The following TF variants were observed in gnomAD, a reference collection of about 807,000 sequenced individuals.
TF encodes the protein serotransferrin.
A neutral mutation model predicts 82.4 loss-of-function variants in TF; 55 were observed. The ratio of observed to expected loss-of-function variants is 0.67; its 90% CI spans 0.54 to 0.84. TF has a LOEUF of 0.84. TF is among the 40% of genes least tolerant of loss of function. The pLI is 0.00. For missense variants in TF, 737 were observed against 868.4 expected (o/e 0.85, Z 1.90); for synonymous variants, 332 against 332.6 (o/e 1.00, Z 0.02).
chr3:133,724,188 G>C, the TF span, among the ~76,000 whole-genome samples: 1 of 152,166 alleles, frequency 6.6e-6, no homozygotes, highest in Non-Finnish European at 1.5e-5. Context: ...GGATGGCTGG[G>C]TCAAATGGTA....
In TF at chr3:133,770,493, T is replaced by G. The variant is rs919389288; in HGVS notation, c.1623-15T>G. ...ACCGCCTTTTTTTTTCTCTCCCACT[T>G]CTGGACCTCTGCAGGTGTCTGGTTG... On this transcript the variant is annotated splice_polypyrimidine_tract_variant and intron_variant, in intron 13 of 16. Coordinates refer to ENST00000402696, the MANE Select transcript of TF (RefSeq NM_001063.4). 2 of 1,614,088 alleles carry G rather than the reference T, an allele frequency of 1.2e-6. No homozygotes were observed. The highest frequency in any genetic ancestry group is 1.7e-6 in the Non-Finnish European group (2 of 1,179,974).
At chr3:133,775,939 C>T (rs142416795) in intron 15 of TF, among the ~76,000 whole-genome samples, 83 of 152,242 alleles carry the variant, frequency 5.5e-4, no homozygotes, top group African/African-American at 1.8e-3. Flanking sequence ...TGCACCCAAA[C>T]GGCATAGGAA....
At chr3:133,717,629 G>A in the TF span, among the ~76,000 whole-genome samples, 18 of 152,282 alleles carry the variant, frequency 1.2e-4, no homozygotes, top group South Asian at 4.2e-4. Context: ...CAGTCTGGGC[G>A]AAAGCTTCCT....
chr3:133,712,087 A>T, the TF span, among the ~76,000 whole-genome samples: 1 of 152,116 alleles, frequency 6.6e-6, no homozygotes, highest in South Asian at 2.1e-4. Context: ...GCTTCATGGA[A>T]CCCTATAATT....
the TF span, among the ~76,000 whole-genome samples, chr3:133,665,319 G>A: frequency 6.6e-6 from 1 of 151,860 alleles, no homozygotes; most frequent in African/African-American, 2.4e-5. Flanking sequence ...ATACAAAAAT[G>A]AGCTGAACGT....
chr3:133,714,305 A>C, the TF span, among the ~76,000 whole-genome samples: 5 of 152,198 alleles, frequency 3.3e-5, no homozygotes, highest in Admixed American at 2.6e-4. Flanking sequence ...TTGAGGAAGC[A>C]GGGCAGTGCT....
chr3:133,742,231 C>T (rs916171587), upstream of TF, among the ~76,000 whole-genome samples: 3 of 152,174 alleles, frequency 2.0e-5, no homozygotes, highest in African/African-American at 7.2e-5. Flanking sequence ...ATCCTCCTGC[C>T]TCAGGCTTCC....
chr3:133,749,629 C>T (rs1411449754), intron 2 of TF, among the ~76,000 whole-genome samples: 1 of 152,084 alleles, frequency 6.6e-6, no homozygotes, highest in Admixed American at 6.6e-5. Context: ...TGGGTGGGCT[C>T]CAGTGTAAAA....
In TF at chr3:133,796,027, GC is replaced by G. The variant is rs1559886886; in HGVS notation, c.*17409del. 1.3e-5 allele frequency: 2 copies of G among 152,332 alleles called. No individual in the cohort carries two copies. The highest frequency in any genetic ancestry group is 4.8e-5 in the African/African-American group (2 of 41,400). The allele number at this position is 152,332 out of a possible 1,614,324, so 9.4% of individuals were successfully genotyped here. ...ACATAGATCCTAGAACAGACCACAG[GC>G]CAGGTTTTGTTTTTCTCCTACAAAT... On this transcript the variant is annotated 3_prime_UTR_variant, in exon 17 of 17. Coordinates refer to ENST00000402696, the MANE Select transcript of TF (RefSeq NM_001063.4).
chr3:133,765,016 T>G, intron 11 of TF, 109 bp downstream of exon 11: 1 of 1,065,908 alleles, frequency 9.4e-7, no homozygotes, highest in Non-Finnish European at 1.5e-6. Flanking sequence ...AGACCAATTT[T>G]CACAATGCGA....
At chr3:133,690,868 G>A in the TF span, among the ~76,000 whole-genome samples, 1 of 152,160 alleles carries the variant, frequency 6.6e-6, no homozygotes, top group African/African-American at 2.4e-5. Flanking sequence ...CATCTTGATG[G>A]TGTTCACAAG....
chr3:133,759,464 A>C (rs1001386183), intron 9 of TF, 135 bp downstream of exon 9: 25 of 1,067,490 alleles, frequency 2.3e-5, no homozygotes, highest in Non-Finnish European at 3.5e-5. Context: ...CTATGTGAGC[A>C]CAGCCCCACC....
intron 7 of TF, among the ~76,000 whole-genome samples, chr3:133,757,351 C>T (rs1461144322): frequency 2.0e-5 from 3 of 152,194 alleles, no homozygotes; most frequent in African/African-American, 7.2e-5. Context: ...TGGTCTCTCT[C>T]CCCATGCCCC....
chr3:133,720,041 C>A, the TF span, among the ~76,000 whole-genome samples: 5 of 152,100 alleles, frequency 3.3e-5, no homozygotes, highest in South Asian at 1.0e-3. Context: ...TATGACTCCT[C>A]CAATGATAAT....
At chr3:133,758,811 G>C (rs966914883) in intron 8 of TF, among the ~76,000 whole-genome samples, 3 of 152,096 alleles carry the variant, frequency 2.0e-5, no homozygotes, top group African/African-American at 7.2e-5. Flanking sequence ...TTTCTGTGTT[G>C]GAGCTTCTGT....
the TF span, among the ~76,000 whole-genome samples, chr3:133,734,626 A>G: frequency 6.6e-6 from 1 of 152,232 alleles, no homozygotes; most frequent in Non-Finnish European, 1.5e-5. Flanking sequence ...CAGAATGCTA[A>G]TTAATAAGCA....
chr3:133,687,856 C>T, the TF span, among the ~76,000 whole-genome samples: 1 of 152,222 alleles, frequency 6.6e-6, no homozygotes, highest in Non-Finnish European at 1.5e-5. Context: ...GCTGTTTCCA[C>T]TGTTCAGCTA....
rs1935486851 is a variant in TF, at chr3:133,784,998, G to A, written c.*6378G>A. ...GCCGCCCCGTCCGGGAGGGAGGTGG[G>A]GGGGTCAGCCCCCCGCCCGGCCAGC... On this transcript the variant is annotated 3_prime_UTR_variant, in exon 17 of 17. Transcript: ENST00000402696. 3 of 77,720 alleles carry A rather than the reference G, an allele frequency of 3.9e-5. 1 individual carries two copies. The highest frequency in any genetic ancestry group is 6.9e-5 in the African/African-American group (2 of 28,800). The allele number at this position is 77,720 out of a possible 1,614,324, so 4.8% of individuals were successfully genotyped here. A position where few individuals can be genotyped will look rare whatever the true frequency, so the allele number is the denominator to read the frequency against.
At chr3:133,695,373 G>A in the TF span, among the ~76,000 whole-genome samples, 22 of 150,252 alleles carry the variant, frequency 1.5e-4, no homozygotes, top group Admixed American at 4.7e-4. Context: ...TTAGCCTCCC[G>A]AGTAGCTGGG....
Sources: allele counts gnomAD v4.1 joint callset (sites outside exome capture counted in the v4.1 genomes callset), GRCh38; gene constraint gnomAD v4.1.1; transcripts MANE v1.5; gene names NCBI Gene and HGNC (gene_info 2026-07-23, HGNC 2026-07-21).